KCNU1: variants seen among roughly 807,000 people sequenced by gnomAD.
KCNU1 encodes potassium calcium-activated channel subfamily U member 1, also known as potassium channel subfamily U member 1.
KCNU1 carries 93 observed loss-of-function variants against 126.8 expected under a neutral mutation model. The ratio of observed to expected loss-of-function variants is 0.73; its 90% confidence interval spans 0.62 to 0.87. The LOEUF (loss-of-function observed/expected upper bound fraction) is 0.87. KCNU1 is among the 40% of genes least tolerant of loss of function. KCNU1 has a pLI of 0.00. For synonymous variants in KCNU1, 523 were observed against 494.2 expected (o/e 1.06, Z -0.77); for missense variants, 1,330 against 1,367.1 (o/e 0.97, Z 0.43).
chr8:36,792,369 G>A (rs1251671503), intron 2 of KCNU1, among the ~76,000 whole-genome samples: 1 of 152,146 alleles, frequency 6.6e-6, no homozygotes, highest in Admixed American at 6.5e-5. Flanking sequence ...GTAATAAAGT[G>A]TATGGCTCGT....
At chr8:36,919,958 T>C (rs1808279937) in intron 23 of KCNU1, among the ~76,000 whole-genome samples, 1 of 152,230 alleles carries the variant, frequency 6.6e-6, no homozygotes. Context: ...GCCTCATTGC[T>C]ACCTAGCTTT....
At chr8:36,901,720 C>T (rs1488484747) in intron 19 of KCNU1, among the ~76,000 whole-genome samples, 1 of 152,100 alleles carries the variant, frequency 6.6e-6, no homozygotes, top group East Asian at 1.9e-4. Flanking sequence ...AGAAATACAA[C>T]ACGCTGTTGC....
In KCNU1 at chr8:36,841,054, TTTC is replaced by T. The variant is rs368992884; in HGVS notation, c.1703+52_1703+54del. 3,061 of 1,174,904 alleles carry T rather than the reference TTTC, an allele frequency of 2.6e-3. 18 individuals are homozygous for T. In the East Asian group the frequency reaches 0.052, roughly 20 times the overall value. The allele number at this position is 1,174,904 out of a possible 1,614,324, so 72.8% of individuals were successfully genotyped here. A position where few individuals can be genotyped will look rare whatever the true frequency, so the allele number is the denominator to read the frequency against. On this transcript the variant is annotated intron_variant, in intron 16 of 26. Coordinates refer to ENST00000399881, the MANE Select transcript of KCNU1 (RefSeq NM_001031836.3). Reference sequence around the variant, plus strand: ...CAGTTGTTTTTTTTTTTTTTTTTTTTTTCCTGGAGATTCTTTGTGATTAAGAAT... The same window carrying T: ...CAGTTGTTTTTTTTTTTTTTTTTTTTCTGGAGATTCTTTGTGATTAAGAAT...
intron 19 of KCNU1, among the ~76,000 whole-genome samples, chr8:36,866,044 G>C (rs1805900495): frequency 6.6e-6 from 1 of 152,068 alleles, no homozygotes; most frequent in South Asian, 2.1e-4. Flanking sequence ...ATGGGGAGCT[G>C]TTGGTCAAAA....
intron 18 of KCNU1, among the ~76,000 whole-genome samples, chr8:36,852,633 T>A (rs576187608): frequency 6.6e-6 from 1 of 152,302 alleles, no homozygotes; most frequent in Admixed American, 6.5e-5. Flanking sequence ...ATCAAATTTA[T>A]TGATTTATAT....
intron 24 of KCNU1, among the ~76,000 whole-genome samples, chr8:36,928,189 T>A (rs1808590802): frequency 6.6e-6 from 1 of 152,132 alleles, no homozygotes; most frequent in South Asian, 2.1e-4. Context: ...ATCCTTTTGA[T>A]GATGCCAGAA....
At chr8:36,910,414 C>T (rs1807821921) in intron 21 of KCNU1, among the ~76,000 whole-genome samples, 1 of 151,880 alleles carries the variant, frequency 6.6e-6, no homozygotes, top group East Asian at 1.9e-4. Flanking sequence ...TAGGAATTAC[C>T]ACTATATTAG....
intron 2 of KCNU1, among the ~76,000 whole-genome samples, chr8:36,792,553 C>G (rs1158457719): frequency 6.6e-6 from 1 of 152,152 alleles, no homozygotes; most frequent in Non-Finnish European, 1.5e-5. Flanking sequence ...GATGAAGCTG[C>G]GAACTCCACA....
At chr8:36,887,530 G>A (rs1286662084) in intron 19 of KCNU1, among the ~76,000 whole-genome samples, 1 of 146,468 alleles carries the variant, frequency 6.8e-6, no homozygotes, top group Admixed American at 7.0e-5. Context: ...TGCCTTTTCA[G>A]GGCATGAAGG....
intron 10 of KCNU1, among the ~76,000 whole-genome samples, chr8:36,827,706 C>A (rs555262720): frequency 6.6e-6 from 1 of 152,152 alleles, no homozygotes. Context: ...AAACAGAGCT[C>A]TCACTTTTCC....
In KCNU1 at chr8:36,809,241, A is replaced by C. The variant is rs111500358; in HGVS notation, c.732+448A>C. The stretch of plus-strand genomic sequence containing the variant: ...TGATCCTCCTGAAATCAATCTGTAC[A>C]CCTAGCTGCCTCCTTTGCCTGTAGG... On this transcript the variant is annotated intron_variant, in intron 7 of 26. Transcript: ENST00000399881. Among the ~76,000 whole-genome samples the C allele has an allele frequency of 2.2e-3, 329 of 152,210 alleles. 11 individuals carry two copies. Among genetic ancestry groups the C allele is most frequent in the African/African-American group, 7.6e-3 (314 of 41,540 alleles).
At chr8:36,825,247 A>G (rs1467651207) in intron 10 of KCNU1, among the ~76,000 whole-genome samples, 1 of 152,158 alleles carries the variant, frequency 6.6e-6, no homozygotes, top group Non-Finnish European at 1.5e-5. Context: ...GAGGCCAAGC[A>G]TCTTTTCAGA....
At chr8:36,820,064 A>G (rs566009876) in intron 10 of KCNU1, among the ~76,000 whole-genome samples, 208 of 152,246 alleles carry the variant, frequency 1.4e-3, no homozygotes, top group African/African-American at 4.4e-3. Context: ...TACTCTAGTC[A>G]CATAGCTGAA....
Position 36,898,427 on chromosome 8 carries a change from A to G in KCNU1, c.2010-7281A>G, listed in dbSNP as rs538343418. On this transcript the variant is annotated intron_variant, in intron 19 of 26. Transcript: ENST00000399881. Reference sequence around the variant, plus strand: ...CAGGCCAAGCCTCCCAACCCACTGCATAAGGAAAGCATTTATGTCATGTTG... The same window carrying G: ...CAGGCCAAGCCTCCCAACCCACTGCGTAAGGAAAGCATTTATGTCATGTTG... 4.9e-4 allele frequency among the ~76,000 whole-genome samples: 75 copies of G among 152,102 alleles called. No homozygotes were observed. In the South Asian group the frequency reaches 0.015, roughly 31 times the overall value.
chr8:36,910,875 T>G, intron 21 of KCNU1, 55 bp from the exon 22 acceptor site: 1 of 1,272,958 alleles, frequency 7.9e-7, no homozygotes, highest in Non-Finnish European at 1.1e-6. Flanking sequence ...CCATGAGCCA[T>G]GATATAACAT....
chr8:36,911,383 T>C (rs1296921994), intron 22 of KCNU1, among the ~76,000 whole-genome samples: 2 of 152,172 alleles, frequency 1.3e-5, no homozygotes, highest in Non-Finnish European at 2.9e-5. Context: ...AAAAATAACA[T>C]AATTTTGAAG....
intron 19 of KCNU1, among the ~76,000 whole-genome samples, chr8:36,886,995 G>A (rs919773416): frequency 1.3e-5 from 2 of 152,024 alleles, no homozygotes; most frequent in East Asian, 3.9e-4. Flanking sequence ...TTTTATGGCT[G>A]TGTAGTATTC....
chr8:36,806,333 C>G lies in KCNU1; in HGVS notation c.533C>G (p.Thr178Ser). Reference protein sequence around the residue: ...LEMNSIVDIFTIPPTFISYYL... With the variant: ...LEMNSIVDIFSIPPTFISYYL... Reference sequence around the variant, plus strand: ...ATGAATTCAATCGTAGACATCTTTACCATCCCACCAACCTTTATTTCTTAT... The same window carrying G: ...ATGAATTCAATCGTAGACATCTTTAGCATCCCACCAACCTTTATTTCTTAT... The change falls in exon 5 of 27, where the codon ACC becomes AGC. Residue 178 changes from threonine to serine, a missense_variant. By Grantham distance (58) the Thr-to-Ser change is moderately conservative. This residue lies in a region of KCNU1 where 247 missense variants were observed against 255.4 expected (regional missense o/e 0.97). Transcript: ENST00000399881. The G allele has an allele frequency of 1.2e-6, 2 of 1,611,054 alleles. No individual in the cohort carries two copies. The highest frequency in any genetic ancestry group is 1.7e-6 in the Non-Finnish European group (2 of 1,178,384).
At chr8:36,789,018 A>G (rs1802809602) in intron 2 of KCNU1, among the ~76,000 whole-genome samples, 1 of 152,198 alleles carries the variant, frequency 6.6e-6, no homozygotes, top group Admixed American at 6.5e-5. Flanking sequence ...GCTGGTGATT[A>G]GCTAGTTGGA....
Sources: allele counts gnomAD v4.1 joint callset (sites outside exome capture counted in the v4.1 genomes callset), GRCh38; gene constraint gnomAD v4.1.1; regional missense constraint gnomAD v4.1.1; transcripts MANE v1.5; gene names NCBI Gene and HGNC (gene_info 2026-07-23, HGNC 2026-07-21).